The following CACNB2 variants were observed in gnomAD, a reference collection of about 807,000 sequenced individuals.
CACNB2 encodes calcium voltage-gated channel auxiliary subunit beta 2.
CACNB2 carries 42 observed loss-of-function variants against 73.3 expected under a neutral mutation model. The observed-to-expected ratio is 0.57, with a 90% confidence interval of 0.45 to 0.74. The LOEUF (loss-of-function observed/expected upper bound fraction) is 0.74, where lower values mean the gene tolerates loss of function less well. Among genes scored for constraint, CACNB2 ranks in the 30% least tolerant of loss-of-function variants. The pLI is 0.00. For missense variants in CACNB2, 940 were observed against 853.0 expected, an observed-to-expected ratio of 1.10 and a Z score of -1.27; for synonymous variants, 348 against 310.3, an observed-to-expected ratio of 1.12 and a Z score of -1.28.
chr10:18,299,761 T>C (rs900447217), intron 2 of CACNB2, among the ~76,000 whole-genome samples: 3 of 152,130 alleles, frequency 2.0e-5, no homozygotes, highest in Non-Finnish European at 4.4e-5. Context: ...TGGAGATCAT[T>C]ATAACTCATG....
At chr10:18,213,750 A>C (rs746557294) in intron 2 of CACNB2, among the ~76,000 whole-genome samples, 1 of 152,226 alleles carries the variant, frequency 6.6e-6, no homozygotes, top group African/African-American at 2.4e-5. Flanking sequence ...GGCTACTTGC[A>C]AAGAAATATA....
chr10:18,344,578 G>C (rs1179504761), intron 2 of CACNB2, among the ~76,000 whole-genome samples: 1 of 151,848 alleles, frequency 6.6e-6, no homozygotes, highest in Non-Finnish European at 1.5e-5. Flanking sequence ...CACCATGTTG[G>C]TCAGGCTGGT....
chr10:18,456,950 C>T (rs187320523), intron 3 of CACNB2, among the ~76,000 whole-genome samples: 19 of 152,270 alleles, frequency 1.2e-4, no homozygotes, highest in Admixed American at 8.5e-4. Context: ...TGCAGCCTTC[C>T]TCCTGTTCCC....
At chr10:18,405,303 A>T (rs952505395) in intron 3 of CACNB2, among the ~76,000 whole-genome samples, 1 of 152,172 alleles carries the variant, frequency 6.6e-6, no homozygotes, top group East Asian at 1.9e-4. Context: ...TAGAACCACT[A>T]TTCAACTTTT....
At chr10:18,437,397 A>T (rs6482437) in intron 3 of CACNB2, among the ~76,000 whole-genome samples, 1 of 152,120 alleles carries the variant, frequency 6.6e-6, no homozygotes, top group Non-Finnish European at 1.5e-5. Context: ...TTTGACTCCT[A>T]AAAAAACCAA....
intron 2 of CACNB2, among the ~76,000 whole-genome samples, chr10:18,152,919 G>A (rs10828272): frequency 0.11 from 16,467 of 152,024 alleles, 957 homozygotes; most frequent in East Asian, 0.23. Context: ...GAAACGCCAC[G>A]TGAAGGCAGT....
chr10:18,151,245 C>A (rs1025322283), intron 2 of CACNB2: 4 of 357,636 alleles, frequency 1.1e-5, no homozygotes, highest in African/African-American at 4.3e-5. Flanking sequence ...AGAACTCCAG[C>A]AGAAATGATT....
At chr10:18,157,365 G>T (rs1416470144) in intron 2 of CACNB2, among the ~76,000 whole-genome samples, 1 of 152,132 alleles carries the variant, frequency 6.6e-6, no homozygotes, top group Non-Finnish European at 1.5e-5. Context: ...CTGTACAGCA[G>T]CTTTTTCCTC....
chr10:18,228,818 C>A (rs116179321), intron 2 of CACNB2, among the ~76,000 whole-genome samples: 2 of 152,124 alleles, frequency 1.3e-5, no homozygotes, highest in Admixed American at 1.3e-4. Context: ...CAGCTCGCTG[C>A]AGCCTCTGCC....
intron 2 of CACNB2, among the ~76,000 whole-genome samples, chr10:18,260,006 A>G (rs1782514462): frequency 6.6e-6 from 1 of 152,228 alleles, no homozygotes; most frequent in African/African-American, 2.4e-5. Context: ...AATCTGTGAC[A>G]TGAAATCATT....
At chr10:18,216,628 G>A (rs2035524150) in intron 2 of CACNB2, among the ~76,000 whole-genome samples, 1 of 152,136 alleles carries the variant, frequency 6.6e-6, no homozygotes, top group South Asian at 2.1e-4. Flanking sequence ...GTGATAGCTT[G>A]TGCAGAAGAA....
At chr10:18,350,802 T>A (rs1319318830) in intron 2 of CACNB2, among the ~76,000 whole-genome samples, 1 of 152,148 alleles carries the variant, frequency 6.6e-6, no homozygotes, top group Non-Finnish European at 1.5e-5. Context: ...TCTGTTTGGT[T>A]TTTTAGTGGT....
chr10:18,354,294 A>T (rs1376153307), intron 2 of CACNB2, among the ~76,000 whole-genome samples: 3 of 152,110 alleles, frequency 2.0e-5, no homozygotes, highest in Non-Finnish European at 4.4e-5. Context: ...TGGGCCCTTA[A>T]ACTGCTTGCC....
chr10:18,409,125 C>T (rs371127205), intron 3 of CACNB2, among the ~76,000 whole-genome samples: 2 of 151,994 alleles, frequency 1.3e-5, no homozygotes, highest in East Asian at 1.9e-4. Context: ...TGGTGAAACC[C>T]GTTTCTACTA....
At chr10:18,156,412 G>A (rs757288800) in intron 2 of CACNB2, among the ~76,000 whole-genome samples, 17 of 152,218 alleles carry the variant, frequency 1.1e-4, no homozygotes, top group Non-Finnish European at 2.1e-4. Flanking sequence ...TCAGTGATAT[G>A]TTACAAGAGG....
At chr10:18,330,832 C>T (rs1252869088) in intron 2 of CACNB2, among the ~76,000 whole-genome samples, 3 of 151,636 alleles carry the variant, frequency 2.0e-5, no homozygotes, top group African/African-American at 7.3e-5. Flanking sequence ...CCACGCCTGG[C>T]TGATTTTTGT....
chr10:18,491,615 C>A (rs1202595793), intron 3 of CACNB2, among the ~76,000 whole-genome samples: 1 of 151,900 alleles, frequency 6.6e-6, no homozygotes, highest in African/African-American at 2.4e-5. Flanking sequence ...GGCTTCCAGA[C>A]CAAAAGTAAC....
chr10:18,146,485 T>C (rs942011144), intron 1 of CACNB2, among the ~76,000 whole-genome samples: 1 of 151,740 alleles, frequency 6.6e-6, no homozygotes, highest in Non-Finnish European at 1.5e-5. Context: ...AATTTTTTTT[T>C]TTTGTTTTTC....
intron 10 of CACNB2, 23 bp from the exon 11 acceptor site, chr10:18,534,053 C>T (rs2053320026): frequency 6.2e-7 from 1 of 1,613,426 alleles, no homozygotes; most frequent in African/African-American, 1.3e-5. Context: ...TGCACTTTAA[C>T]TGAATTGTTT....
Sources: allele counts gnomAD v4.1 joint callset (sites outside exome capture counted in the v4.1 genomes callset), GRCh38; gene constraint gnomAD v4.1.1; transcripts MANE v1.5; gene names NCBI Gene and HGNC (gene_info 2026-07-23, HGNC 2026-07-21).